PLD5: variants seen among roughly 807,000 people sequenced by gnomAD.
The protein encoded by PLD5 is phospholipase D family member 5, also known as inactive phospholipase D5.
A neutral mutation model predicts 61.1 loss-of-function variants in PLD5; 36 were observed. The ratio of observed to expected loss-of-function variants is 0.59; its 90% CI spans 0.45 to 0.78. The LOEUF is 0.78. Among genes scored for constraint, PLD5 ranks in the 30% least tolerant of loss-of-function variants. The probability of loss-of-function intolerance (pLI) is 0.00; values close to 1 mark genes in which losing one functional copy is unlikely to be tolerated. For missense variants in PLD5, 515 were observed against 644.4 expected, an observed-to-expected ratio of 0.80 and a Z score of 2.17; for synonymous variants, 243 against 242.8, an observed-to-expected ratio of 1.00 and a Z score of -0.01.
chr1:242,244,751 T>A (rs1029728948), intron 4 of PLD5, among the ~76,000 whole-genome samples: 1 of 152,208 alleles, frequency 6.6e-6, no homozygotes, highest in Non-Finnish European at 1.5e-5. Context: ...GATGCCTTCA[T>A]AGGTGGTCAA....
intron 1 of PLD5, chr1:242,376,817 C>A (rs1188120191): frequency 6.3e-5 from 74 of 1,180,136 alleles, no homozygotes; most frequent in Non-Finnish European, 7.0e-5. Context: ...TTGCAACAGC[C>A]TAGACAGTAC....
chr1:242,383,301 G>A (rs183681635), intron 1 of PLD5, among the ~76,000 whole-genome samples: 9 of 152,142 alleles, frequency 5.9e-5, no homozygotes, highest in African/African-American at 1.9e-4. Context: ...AAAGTGTAAC[G>A]ATGACATCTC....
chr1:242,206,715 A>T (rs926076041), intron 5 of PLD5, among the ~76,000 whole-genome samples: 1 of 152,212 alleles, frequency 6.6e-6, no homozygotes, highest in Non-Finnish European at 1.5e-5. Flanking sequence ...AAAGATCTTC[A>T]TCCTCATTGT....
At chr1:242,323,781 T>A (rs1022428922) in intron 2 of PLD5, among the ~76,000 whole-genome samples, 3 of 152,178 alleles carry the variant, frequency 2.0e-5, no homozygotes, top group African/African-American at 7.2e-5. Flanking sequence ...TTTTACAAGA[T>A]TTTCACTCTT....
intron 5 of PLD5, among the ~76,000 whole-genome samples, chr1:242,161,947 CAACA>C (rs1665869044): frequency 6.6e-6 from 1 of 152,164 alleles, no homozygotes; most frequent in African/African-American, 2.4e-5. Flanking sequence ...CATCTCGGAA[CAACA>C]GACACAGCTG....
chr1:242,519,741 T>A (rs1335856492), intron 1 of PLD5, among the ~76,000 whole-genome samples: 1 of 151,822 alleles, frequency 6.6e-6, no homozygotes, highest in African/African-American at 2.4e-5. Context: ...CCAAGAAGAG[T>A]CAGGCCCCCA....
At chr1:242,504,914 G>C (rs1469192159) in intron 1 of PLD5, among the ~76,000 whole-genome samples, 1 of 152,128 alleles carries the variant, frequency 6.6e-6, no homozygotes, top group Non-Finnish European at 1.5e-5. Context: ...CCAGTACTTT[G>C]GGAGGCCAGG....
chr1:242,473,463 C>T (rs1047186129), intron 1 of PLD5, among the ~76,000 whole-genome samples: 3 of 151,960 alleles, frequency 2.0e-5, no homozygotes, highest in Admixed American at 1.3e-4. Context: ...AAAAGTAGAT[C>T]GATGTTACAC....
intron 5 of PLD5, among the ~76,000 whole-genome samples, chr1:242,217,648 C>G (rs116488527): frequency 0.075 from 11,482 of 152,142 alleles, 501 homozygotes; most frequent in Middle Eastern, 0.13. Flanking sequence ...TTGGGATTTA[C>G]GGGAGAAGGT....
At chr1:242,305,101 T>C (rs1676272322) in intron 2 of PLD5, among the ~76,000 whole-genome samples, 1 of 151,800 alleles carries the variant, frequency 6.6e-6, no homozygotes, top group Non-Finnish European at 1.5e-5. Context: ...GGGAGACCCT[T>C]TCTCAAAAAA....
intron 1 of PLD5, among the ~76,000 whole-genome samples, chr1:242,411,267 G>A (rs2251493): frequency 1.3e-5 from 2 of 151,990 alleles, no homozygotes; most frequent in Non-Finnish European, 2.9e-5. Context: ...ACAGAGTCTC[G>A]CTCTATCGCC....
chr1:242,261,912 T>G (rs1324649951), intron 4 of PLD5, among the ~76,000 whole-genome samples: 2 of 152,198 alleles, frequency 1.3e-5, no homozygotes, highest in Non-Finnish European at 2.9e-5. Context: ...GAAAACTGAC[T>G]GGCCGTATCT....
intron 4 of PLD5, among the ~76,000 whole-genome samples, chr1:242,246,635 TTC>T (rs1329301033): frequency 6.6e-6 from 1 of 152,128 alleles, no homozygotes; most frequent in Non-Finnish European, 1.5e-5. Context: ...ACACAATAGC[TTC>T]TGTTTTGTAG....
chr1:242,398,636 A>G (rs2580239), intron 1 of PLD5, among the ~76,000 whole-genome samples: 64,824 of 152,022 alleles, frequency 0.43, 14,295 homozygotes, highest in African/African-American at 0.54. Flanking sequence ...TAAGGTTTAA[A>G]TTCTTGTTAT....
intron 2 of PLD5, among the ~76,000 whole-genome samples, chr1:242,329,501 T>A (rs1387883483): frequency 1.3e-5 from 2 of 152,160 alleles, no homozygotes; most frequent in Admixed American, 6.5e-5. Flanking sequence ...CTTCTGGTCA[T>A]CTCCACTCAG....
At chr1:242,446,876 A>G (rs536176031) in intron 1 of PLD5, among the ~76,000 whole-genome samples, 36 of 152,266 alleles carry the variant, frequency 2.4e-4, no homozygotes, top group Middle Eastern at 6.8e-3. Context: ...TTGAAAGGCT[A>G]TATGAGGAGG....
intron 9 of PLD5, among the ~76,000 whole-genome samples, chr1:242,099,289 AT>A (rs1001716563): frequency 1.2e-4 from 18 of 151,588 alleles, no homozygotes; most frequent in African/African-American, 4.4e-4. Context: ...TGTCCAGCAA[AT>A]TTTTTTGGTA....
intron 1 of PLD5, among the ~76,000 whole-genome samples, chr1:242,418,601 A>T (rs1051478134): frequency 3.3e-5 from 5 of 152,178 alleles, no homozygotes; most frequent in African/African-American, 1.2e-4. Context: ...TCCGCAAAAA[A>T]AAGTGCTTCT....
In PLD5 at chr1:242,438,509, A is replaced by G. The variant is rs144876202; in HGVS notation, c.189+85579T>C. Reference sequence around the variant, plus strand: ...ACCCAGGTTGGAGTGTAATGGTGCAATCTTGGCTCACTGCAACCTCTGCCT... The same window carrying G: ...ACCCAGGTTGGAGTGTAATGGTGCAGTCTTGGCTCACTGCAACCTCTGCCT... On this transcript the variant is annotated intron_variant, in intron 1 of 9. Transcript: ENST00000536534. Among the ~76,000 whole-genome samples the G allele has an allele frequency of 3.1e-4, 46 of 149,112 alleles. 2 individuals carry two copies. Among genetic ancestry groups the G allele is most frequent in the African/African-American group, 1.1e-3 (45 of 40,630 alleles).
Sources: allele counts gnomAD v4.1 joint callset (sites outside exome capture counted in the v4.1 genomes callset), GRCh38; gene constraint gnomAD v4.1.1; transcripts MANE v1.5; gene names NCBI Gene and HGNC (gene_info 2026-07-23, HGNC 2026-07-21).